The following RNF180 variants were observed in gnomAD, a reference collection of about 807,000 sequenced individuals.
RNF180 encodes ring finger protein 180.
RNF180 carries 38 observed loss-of-function variants against 59.2 expected under a neutral mutation model. The ratio of observed to expected loss-of-function variants is 0.64; its 90% CI spans 0.50 to 0.84. The LOEUF (loss-of-function observed/expected upper bound fraction) is 0.84, where lower values mean the gene tolerates loss of function less well. RNF180 is among the 40% of genes least tolerant of loss of function. The pLI is 0.00. For missense variants in RNF180, 705 were observed against 700.9 expected (o/e 1.01, Z -0.07); for synonymous variants, 262 against 240.3 (o/e 1.09, Z -0.84).
chr5:64,281,047 T>C (rs1310552741), intron 5 of RNF180, among the ~76,000 whole-genome samples: 1 of 152,174 alleles, frequency 6.6e-6, no homozygotes, highest in Non-Finnish European at 1.5e-5. Flanking sequence ...TATTCCTAGG[T>C]ATTTTTGTGT....
At chr5:64,238,035 A>G (rs1366171756) in intron 5 of RNF180, among the ~76,000 whole-genome samples, 4 of 152,206 alleles carry the variant, frequency 2.6e-5, no homozygotes, top group Non-Finnish European at 5.9e-5. Context: ...AGAACAGACT[A>G]ATACAGTCTA....
intron 7 of RNF180, among the ~76,000 whole-genome samples, chr5:64,356,323 C>T (rs1028686808): frequency 6.6e-6 from 1 of 151,634 alleles, no homozygotes; most frequent in Non-Finnish European, 1.5e-5. Context: ...ACATGGCTAC[C>T]TACAGAATGG....
intron 7 of RNF180, among the ~76,000 whole-genome samples, chr5:64,356,321 A>G (rs1412556618): frequency 6.6e-6 from 1 of 151,864 alleles, no homozygotes; most frequent in Non-Finnish European, 1.5e-5. Flanking sequence ...CAACATGGCT[A>G]CCTACAGAAT....
At chr5:64,213,508 A>G (rs760202147) in intron 3 of RNF180, 50 bp from the exon 4 acceptor site, 12 of 1,515,508 alleles carry the variant, frequency 7.9e-6, no homozygotes, top group Middle Eastern at 1.8e-4. Context: ...ATTTCTCTTC[A>G]GTTACTTTAT....
At chr5:64,365,010 A>C (rs1377642707) in intron 7 of RNF180, among the ~76,000 whole-genome samples, 1 of 151,322 alleles carries the variant, frequency 6.6e-6, no homozygotes, top group Non-Finnish European at 1.5e-5. Flanking sequence ...CAAAAAAAAA[A>C]ACAGCTTTTG....
At chr5:64,347,065 CTT>C (rs1580289304) in intron 7 of RNF180, among the ~76,000 whole-genome samples, 2 of 152,254 alleles carry the variant, frequency 1.3e-5, no homozygotes, top group South Asian at 4.1e-4. Flanking sequence ...TATAATGATA[CTT>C]TAATAGTGCA....
chr5:64,238,432 T>C (rs1742584043), intron 5 of RNF180, among the ~76,000 whole-genome samples: 1 of 152,228 alleles, frequency 6.6e-6, no homozygotes, highest in Non-Finnish European at 1.5e-5. Flanking sequence ...CTATAGTGGC[T>C]ATACCATTTT....
At chr5:64,349,683 C>G (rs182195083) in intron 7 of RNF180, among the ~76,000 whole-genome samples, 2 of 151,808 alleles carry the variant, frequency 1.3e-5, no homozygotes, top group African/African-American at 4.8e-5. Flanking sequence ...TGAGAACATG[C>G]GGTGTTTGGT....
intron 5 of RNF180, among the ~76,000 whole-genome samples, chr5:64,316,174 A>G (rs1322190802): frequency 6.6e-6 from 1 of 152,184 alleles, no homozygotes; most frequent in Non-Finnish European, 1.5e-5. Context: ...CCTCCAGAAT[A>G]GCTGAGATCA....
chr5:64,318,103 A>G (rs538342567), intron 5 of RNF180, among the ~76,000 whole-genome samples: 1 of 152,322 alleles, frequency 6.6e-6, no homozygotes, highest in South Asian at 2.1e-4. Context: ...AATGGGCACC[A>G]TCTGTGTTAT....
chr5:64,183,441 C>CTTTTTTTTTTTTTT (rs367772828), intron 1 of RNF180, among the ~76,000 whole-genome samples: 1 of 89,914 alleles, frequency 1.1e-5, no homozygotes. Context: ...GAAAGTATAC[C>CTTTTTTTTTTTTTT]TTTTTTTTTT....
In RNF180 at chr5:64,292,384, G is replaced by C. The variant is rs187927893; in HGVS notation, c.1228-32802G>C. Among the ~76,000 whole-genome samples the C allele has an allele frequency of 8.8e-3, 1,339 of 152,220 alleles. 16 individuals carry two copies. The highest frequency in any genetic ancestry group is 0.013 in the Non-Finnish European group (895 of 68,020). On this transcript the variant is annotated intron_variant, in intron 5 of 7. Transcript: ENST00000389100. ...AACCAGGCCATTATTTTATAGGGCT[G>C]CTGTGGCTTGCTGGGGGATTGCTCA... is the stretch of plus-strand genomic sequence containing the variant.
intron 7 of RNF180, among the ~76,000 whole-genome samples, chr5:64,349,246 C>G (rs1452582855): frequency 1.3e-5 from 2 of 152,010 alleles, no homozygotes; most frequent in African/African-American, 4.8e-5. Flanking sequence ...TACAAATAGA[C>G]ATAAACATTA....
intron 5 of RNF180, among the ~76,000 whole-genome samples, chr5:64,219,974 ATGT>A (rs1385045279): frequency 2.6e-5 from 4 of 152,164 alleles, no homozygotes; most frequent in East Asian, 1.9e-4. Flanking sequence ...GTAAATTTTG[ATGT>A]TGTTTTTGAA....
intron 1 of RNF180, among the ~76,000 whole-genome samples, chr5:64,193,411 A>G (rs756757110): frequency 6.2e-4 from 94 of 152,192 alleles, no homozygotes; most frequent in Admixed American, 1.3e-3. Flanking sequence ...ATCAAAATGT[A>G]TATATTAAAT....
At chr5:64,263,244 G>A (rs1443580526) in intron 5 of RNF180, among the ~76,000 whole-genome samples, 2 of 152,178 alleles carry the variant, frequency 1.3e-5, no homozygotes, top group Admixed American at 6.6e-5. Flanking sequence ...CTCTATGTGA[G>A]TAACACTTCA....
chr5:64,188,728 C>T (rs565566429), intron 1 of RNF180, among the ~76,000 whole-genome samples: 10 of 152,024 alleles, frequency 6.6e-5, no homozygotes, highest in South Asian at 6.2e-4. Flanking sequence ...TTCTTTGTGC[C>T]GTGACTTTAT....
intron 7 of RNF180, among the ~76,000 whole-genome samples, chr5:64,346,558 C>T (rs1035280178): frequency 2.0e-5 from 3 of 151,498 alleles, no homozygotes; most frequent in African/African-American, 4.8e-5. Context: ...CTAGTAGAGA[C>T]GGGGTTTCAT....
chr5:64,306,673 A>G (rs1202743818), intron 5 of RNF180, among the ~76,000 whole-genome samples: 1 of 151,764 alleles, frequency 6.6e-6, no homozygotes, highest in Non-Finnish European at 1.5e-5. Context: ...TGTCCTTTGT[A>G]GCGACATGGA....
Sources: allele counts gnomAD v4.1 joint callset (sites outside exome capture counted in the v4.1 genomes callset), GRCh38; gene constraint gnomAD v4.1.1; transcripts MANE v1.5; gene names NCBI Gene and HGNC (gene_info 2026-07-23, HGNC 2026-07-21).